XIRP2: variants seen among roughly 807,000 people sequenced by gnomAD.
XIRP2 encodes xin actin-binding repeat-containing protein 2.
In XIRP2, 236 loss-of-function variants were observed where a neutral mutation model predicts 277.0. The observed-to-expected ratio is 0.85, with a 90% CI of 0.77 to 0.95. The LOEUF is 0.95. XIRP2 is among the 40% of genes least tolerant of loss of function. The pLI is 0.00. For synonymous variants in XIRP2, 1,490 were observed against 1,416.5 expected (o/e 1.05, Z -1.17); for missense variants, 4,640 against 4,157.5 (o/e 1.12, Z -3.19).
intron 1 of XIRP2, among the ~76,000 whole-genome samples, chr2:166,892,408 CAT>C (rs981640200): frequency 2.0e-5 from 3 of 152,230 alleles, no homozygotes; most frequent in South Asian, 4.1e-4. Context: ...TGAAAAGAGA[CAT>C]GTGTTGATCT....
intron 2 of XIRP2, among the ~76,000 whole-genome samples, chr2:167,054,452 G>A (rs187175644): frequency 6.6e-6 from 1 of 152,308 alleles, no homozygotes; most frequent in Non-Finnish European, 1.5e-5. Flanking sequence ...GGGAGACCAA[G>A]GCCAGTGGAT....
At chr2:167,253,693 A>G (rs1695578456) in intron 9 of XIRP2, among the ~76,000 whole-genome samples, 1 of 151,774 alleles carries the variant, frequency 6.6e-6, no homozygotes, top group African/African-American at 2.4e-5. Flanking sequence ...ATGTATATAT[A>G]TATAAAAAAT....
In XIRP2 at chr2:167,192,721, C is replaced by A. The variant is rs150274560; in HGVS notation, c.563-18014C>A. ...GCATCCAGAGCTATTTTCCTGGGCA[C>A]TGCATAGGGTAGAAGTCAGCTACCA... is the stretch of plus-strand genomic sequence containing the variant. On this transcript the variant is annotated intron_variant, in intron 3 of 10. Transcript: ENST00000409195. Among the ~76,000 whole-genome samples, 5 of 152,280 alleles carry A rather than the reference C, an allele frequency of 3.3e-5. No individual in the cohort carries two copies. The East Asian group carries it at 9.7e-4, about 29-fold the overall frequency.
chr2:166,951,062 A>G (rs908121785), intron 2 of XIRP2, among the ~76,000 whole-genome samples: 1 of 152,050 alleles, frequency 6.6e-6, no homozygotes, highest in Admixed American at 6.6e-5. Flanking sequence ...GCATAAACAA[A>G]CAGGGATATA....
At chr2:167,076,678 T>A (rs1366545412) in intron 2 of XIRP2, among the ~76,000 whole-genome samples, 2 of 152,222 alleles carry the variant, frequency 1.3e-5, no homozygotes, top group African/African-American at 4.8e-5. Flanking sequence ...ATTGATTGTA[T>A]GTTCAAATTG....
At chr2:166,891,802 A>G (rs1172934985) in intron 1 of XIRP2, among the ~76,000 whole-genome samples, 1 of 152,206 alleles carries the variant, frequency 6.6e-6, no homozygotes, top group Admixed American at 6.5e-5. Context: ...TAATATTAGC[A>G]TTATAAACAT....
At chr2:167,103,440 T>G (rs1690539035) in intron 2 of XIRP2, among the ~76,000 whole-genome samples, 1 of 152,152 alleles carries the variant, frequency 6.6e-6, no homozygotes, top group African/African-American at 2.4e-5. Flanking sequence ...TGGCTTTGGC[T>G]TTTTCTGAAT....
chr2:167,144,366 A>G (rs1485890434), intron 3 of XIRP2, among the ~76,000 whole-genome samples: 2 of 152,152 alleles, frequency 1.3e-5, no homozygotes, highest in African/African-American at 2.4e-5. Context: ...GAAATAGTAT[A>G]TGAGGACTCA....
intron 2 of XIRP2, among the ~76,000 whole-genome samples, chr2:167,003,748 G>C (rs983121760): frequency 6.6e-6 from 1 of 151,774 alleles, no homozygotes; most frequent in African/African-American, 2.4e-5. Context: ...GATTTCAGGT[G>C]GTAAATGACA....
chr2:167,041,895 C>T (rs1463138700), intron 2 of XIRP2, among the ~76,000 whole-genome samples: 2 of 151,934 alleles, frequency 1.3e-5, no homozygotes, highest in African/African-American at 4.8e-5. Context: ...TCTCCAAAGT[C>T]AATACAAAAG....
chr2:167,112,075 A>G (rs1690773522), intron 2 of XIRP2, among the ~76,000 whole-genome samples: 1 of 151,912 alleles, frequency 6.6e-6, no homozygotes, highest in Non-Finnish European at 1.5e-5. Context: ...TAATCTAACT[A>G]GTGTTTTATC....
At chr2:167,119,188 A>G (rs891019652) in intron 2 of XIRP2, among the ~76,000 whole-genome samples, 21 of 152,180 alleles carry the variant, frequency 1.4e-4, no homozygotes, top group Admixed American at 1.3e-4. Context: ...GAGTTTATGA[A>G]AAGAAGAAAA....
intron 2 of XIRP2, among the ~76,000 whole-genome samples, chr2:167,089,392 C>T (rs952295711): frequency 6.6e-6 from 1 of 152,104 alleles, no homozygotes; most frequent in East Asian, 1.9e-4. Context: ...GCAATTAGCT[C>T]AGCTCACAAC....
intron 2 of XIRP2, among the ~76,000 whole-genome samples, chr2:167,016,774 G>A (rs1176983439): frequency 6.6e-6 from 1 of 151,946 alleles, no homozygotes; most frequent in Non-Finnish European, 1.5e-5. Flanking sequence ...AAGGAGGATG[G>A]AGTATGAAGA....
At chr2:166,891,856 A>G (rs1684114065) in intron 1 of XIRP2, among the ~76,000 whole-genome samples, 1 of 152,168 alleles carries the variant, frequency 6.6e-6, no homozygotes, top group Non-Finnish European at 1.5e-5. Context: ...CTAGTTTGAC[A>G]TATTTACCTA....
chr2:167,109,544 G>T (rs181921642), intron 2 of XIRP2, among the ~76,000 whole-genome samples: 1 of 152,282 alleles, frequency 6.6e-6, no homozygotes, highest in Non-Finnish European at 1.5e-5. Flanking sequence ...GCCTCCCAAA[G>T]TCCTGGGATT....
chr2:167,042,095 T>G (rs918575978), intron 2 of XIRP2, among the ~76,000 whole-genome samples: 8 of 152,114 alleles, frequency 5.3e-5, no homozygotes, highest in Admixed American at 2.6e-4. Context: ...AAACTAAGTT[T>G]CATAAGCAAA....
At chr2:166,926,367 GTAGA>G (rs1337126976) in intron 2 of XIRP2, among the ~76,000 whole-genome samples, 1 of 151,924 alleles carries the variant, frequency 6.6e-6, no homozygotes, top group East Asian at 1.9e-4. Flanking sequence ...CACCTAAAAT[GTAGA>G]TAGCTACTGG....
At chr2:166,892,979 TATACAC>T (rs1263636443) in intron 1 of XIRP2, among the ~76,000 whole-genome samples, 11 of 145,888 alleles carry the variant, frequency 7.5e-5, no homozygotes, top group Admixed American at 1.4e-4. Flanking sequence ...TATATATGTA[TATACAC>T]ACACACACAC....
Sources: allele counts gnomAD v4.1 joint callset (sites outside exome capture counted in the v4.1 genomes callset), GRCh38; gene constraint gnomAD v4.1.1; transcripts MANE v1.5; gene names NCBI Gene and HGNC (gene_info 2026-07-23, HGNC 2026-07-21).